The following CNTNAP2 variants were observed in gnomAD, a reference collection of about 807,000 sequenced individuals.
CNTNAP2 encodes contactin associated protein 2.
A neutral mutation model predicts 155.2 loss-of-function variants in CNTNAP2; 98 were observed. The ratio of observed to expected loss-of-function variants is 0.63; its 90% CI spans 0.54 to 0.75. CNTNAP2 has a LOEUF of 0.75. CNTNAP2 is among the 30% of genes least tolerant of loss of function. The probability of loss-of-function intolerance (pLI) is 0.00; values close to 1 mark genes in which losing one functional copy is unlikely to be tolerated. For missense variants in CNTNAP2, 1,727 were observed against 1,688.1 expected (o/e 1.02, Z -0.40); for synonymous variants, 651 against 631.2 (o/e 1.03, Z -0.47).
At chr7:146,270,364 G>C (rs943807205) in intron 1 of CNTNAP2, among the ~76,000 whole-genome samples, 7 of 152,080 alleles carry the variant, frequency 4.6e-5, no homozygotes, top group African/African-American at 1.7e-4. Flanking sequence ...TGAATTAAGG[G>C]CAATTGAGTG....
intron 10 of CNTNAP2, among the ~76,000 whole-genome samples, chr7:147,448,484 G>GTA (rs10683190): frequency 0.18 from 26,181 of 143,282 alleles, 2,745 homozygotes; most frequent in Non-Finnish European, 0.25. Flanking sequence ...GTGTGTGTGT[G>GTA]TATATATATA....
chr7:147,772,491 C>A (rs58155668), intron 13 of CNTNAP2, among the ~76,000 whole-genome samples: 15,902 of 105,324 alleles, frequency 0.15, 1,807 homozygotes, highest in African/African-American at 0.28. Flanking sequence ...TATACACACA[C>A]AAAAAAAAAA....
chr7:146,774,979 T>C (rs1802363381), intron 2 of CNTNAP2, among the ~76,000 whole-genome samples: 1 of 152,116 alleles, frequency 6.6e-6, no homozygotes, highest in Non-Finnish European at 1.5e-5. Context: ...TAAAAGAACA[T>C]AATTAAGGAC....
At chr7:148,171,892 C>T (rs903448991) in intron 17 of CNTNAP2, among the ~76,000 whole-genome samples, 1 of 152,172 alleles carries the variant, frequency 6.6e-6, no homozygotes, top group African/African-American at 2.4e-5. Context: ...TGCTACAGAA[C>T]TCGATGTTGT....
intron 22 of CNTNAP2, among the ~76,000 whole-genome samples, chr7:148,384,313 T>A (rs553521367): frequency 6.6e-6 from 1 of 152,342 alleles, no homozygotes; most frequent in African/African-American, 2.4e-5. Flanking sequence ...TGTATTTATA[T>A]GAATAATACT....
At chr7:147,430,520 T>C (rs1797447765) in intron 10 of CNTNAP2, among the ~76,000 whole-genome samples, 2 of 152,178 alleles carry the variant, frequency 1.3e-5, no homozygotes, top group African/African-American at 4.8e-5. Flanking sequence ...GGAAGATGTT[T>C]ACCTGAAAAA....
chr7:147,963,675 T>C (rs1280607692), intron 14 of CNTNAP2, among the ~76,000 whole-genome samples: 2 of 152,116 alleles, frequency 1.3e-5, no homozygotes, highest in Non-Finnish European at 2.9e-5. Context: ...TTGGACTCTT[T>C]TGTGAAGATC....
chr7:146,434,560 G>A (rs755061357), intron 1 of CNTNAP2, among the ~76,000 whole-genome samples: 6 of 152,064 alleles, frequency 3.9e-5, no homozygotes, highest in Admixed American at 6.6e-5. Flanking sequence ...GGCATGATAC[G>A]CTTCAGAAGA....
rs78403733 is a variant in CNTNAP2 at position 147,186,087 on chromosome 7, T to C, written c.1348+53578T>C. Among the ~76,000 whole-genome samples, 409 of 152,274 alleles carry C rather than the reference T, an allele frequency of 2.7e-3. 10 individuals are homozygous for C. The East Asian group carries it at 0.065, about 24-fold the overall frequency. Reference sequence around the variant, plus strand: ...ATGAGAACAGACTAACATGTGCATATGTTAAAACGACATTTTGAAAGGGAA... The same window carrying C: ...ATGAGAACAGACTAACATGTGCATACGTTAAAACGACATTTTGAAAGGGAA... On this transcript the variant is annotated intron_variant, in intron 8 of 23. Coordinates refer to ENST00000361727, the MANE Select transcript of CNTNAP2 (RefSeq NM_014141.6).
intron 1 of CNTNAP2, among the ~76,000 whole-genome samples, chr7:146,629,928 C>T (rs915110425): frequency 1.3e-5 from 2 of 151,868 alleles, no homozygotes; most frequent in Non-Finnish European, 2.9e-5. Context: ...GGGGTATACA[C>T]TGGATAGTTA....
chr7:146,810,504 G>A (rs1463369322), intron 2 of CNTNAP2, among the ~76,000 whole-genome samples: 1 of 151,880 alleles, frequency 6.6e-6, no homozygotes, highest in Non-Finnish European at 1.5e-5. Context: ...TTTCGTATCT[G>A]CAACTTTACT....
At chr7:148,221,552 C>A (rs1344902169) in intron 19 of CNTNAP2, among the ~76,000 whole-genome samples, 1 of 152,022 alleles carries the variant, frequency 6.6e-6, no homozygotes, top group Non-Finnish European at 1.5e-5. Context: ...TTTCAGACTT[C>A]AAATACAACA....
chr7:147,753,578 C>T (rs1797171388), intron 13 of CNTNAP2, among the ~76,000 whole-genome samples: 1 of 152,052 alleles, frequency 6.6e-6, no homozygotes, highest in African/African-American at 2.4e-5. Context: ...GTACTTATGA[C>T]ACAGAAATCG....
chr7:146,706,822 G>C (rs1800973810), intron 1 of CNTNAP2, among the ~76,000 whole-genome samples: 1 of 151,390 alleles, frequency 6.6e-6, no homozygotes, highest in Admixed American at 6.6e-5. Context: ...TAGGTACTAG[G>C]TTTAATACCT....
At chr7:146,808,857 G>T (rs555634880) in intron 2 of CNTNAP2, among the ~76,000 whole-genome samples, 5 of 152,004 alleles carry the variant, frequency 3.3e-5, no homozygotes, top group African/African-American at 1.2e-4. Context: ...GTTCATTCAC[G>T]TTGTCACGAA....
intron 15 of CNTNAP2, among the ~76,000 whole-genome samples, chr7:148,030,576 T>C (rs1802458064): frequency 6.6e-6 from 1 of 151,928 alleles, no homozygotes; most frequent in Non-Finnish European, 1.5e-5. Context: ...TAAAAATATA[T>C]ATATTCTTAG....
chr7:146,721,489 A>G (rs1801312675), intron 1 of CNTNAP2, among the ~76,000 whole-genome samples: 1 of 130,222 alleles, frequency 7.7e-6, no homozygotes, highest in South Asian at 2.4e-4. Flanking sequence ...TATTCTATAT[A>G]CATTCTATAT....
intron 1 of CNTNAP2, among the ~76,000 whole-genome samples, chr7:146,122,107 C>T (rs565103549): frequency 2.0e-5 from 3 of 152,138 alleles, no homozygotes; most frequent in Admixed American, 6.6e-5. Context: ...ACAGTTCATT[C>T]GTTCCTTCCT....
intron 1 of CNTNAP2, among the ~76,000 whole-genome samples, chr7:146,203,321 G>A (rs1191766312): frequency 6.6e-6 from 1 of 152,198 alleles, no homozygotes. Flanking sequence ...TGATGGACAA[G>A]CTACAAATCA....
Sources: allele counts gnomAD v4.1 joint callset (sites outside exome capture counted in the v4.1 genomes callset), GRCh38; gene constraint gnomAD v4.1.1; transcripts MANE v1.5; gene names NCBI Gene and HGNC (gene_info 2026-07-23, HGNC 2026-07-21).